The following BMPER variants were observed in gnomAD, a reference collection of about 807,000 sequenced individuals.
The protein encoded by BMPER is BMP binding endothelial regulator.
Under a neutral mutation model 87.3 loss-of-function variants are expected in BMPER, and 45 were observed. That is an observed-to-expected ratio of 0.52 (90% CI 0.41 to 0.66). BMPER has a LOEUF of 0.66. Among genes scored for constraint, BMPER ranks in the 30% least tolerant of loss-of-function variants. BMPER has a pLI of 0.00. For missense variants in BMPER, 784 were observed against 867.5 expected (o/e 0.90, Z 1.21); for synonymous variants, 326 against 316.2 (o/e 1.03, Z -0.33).
chr7:34,131,948 AT>A (rs1790600978), intron 13 of BMPER, among the ~76,000 whole-genome samples: 1 of 152,122 alleles, frequency 6.6e-6, no homozygotes. Context: ...GCATGGATGA[AT>A]TTTGCTCTTT....
chr7:33,996,904 C>G (rs1786427714), intron 6 of BMPER, among the ~76,000 whole-genome samples: 1 of 152,116 alleles, frequency 6.6e-6, no homozygotes, highest in South Asian at 2.1e-4. Context: ...GTGTATTTCT[C>G]ACTTACAGCA....
intron 6 of BMPER, among the ~76,000 whole-genome samples, chr7:33,996,324 G>A (rs1325361960): frequency 6.6e-6 from 1 of 152,060 alleles, no homozygotes; most frequent in Non-Finnish European, 1.5e-5. Context: ...TCCTTTTCCT[G>A]CATAGCTGAG....
At chr7:34,031,375 G>A (rs1357354415) in intron 6 of BMPER, among the ~76,000 whole-genome samples, 1 of 152,066 alleles carries the variant, frequency 6.6e-6, no homozygotes, top group Non-Finnish European at 1.5e-5. Context: ...AGACTTGCAA[G>A]ATTATTTTAT....
intron 13 of BMPER, among the ~76,000 whole-genome samples, chr7:34,109,322 T>C (rs1024828631): frequency 5.3e-5 from 8 of 152,214 alleles, no homozygotes; most frequent in Admixed American, 2.6e-4. Flanking sequence ...TTTTTGTCTT[T>C]AATTGACTGT....
At chr7:33,909,213 A>G (rs1312182288) in intron 2 of BMPER, among the ~76,000 whole-genome samples, 1 of 152,202 alleles carries the variant, frequency 6.6e-6, no homozygotes, top group Non-Finnish European at 1.5e-5. Context: ...ACTGAGGCAT[A>G]GGGGGCTAAG....
intron 12 of BMPER, among the ~76,000 whole-genome samples, chr7:34,082,246 C>A (rs1248234844): frequency 2.0e-5 from 3 of 151,898 alleles, no homozygotes; most frequent in African/African-American, 7.3e-5. Flanking sequence ...GCCTCTCAAA[C>A]CCTTCCATGA....
At chr7:33,951,323 C>G (rs1174211563) in intron 3 of BMPER, among the ~76,000 whole-genome samples, 1 of 152,134 alleles carries the variant, frequency 6.6e-6, no homozygotes, top group East Asian at 1.9e-4. Context: ...GCTGGGATAA[C>G]AGGTGTGAGC....
At chr7:33,950,583 T>C (rs1394830223) in intron 3 of BMPER, among the ~76,000 whole-genome samples, 3 of 152,150 alleles carry the variant, frequency 2.0e-5, no homozygotes, top group African/African-American at 4.8e-5. Context: ...GCAGAGTGGC[T>C]TCCTTCTTTA....
chr7:33,907,035 T>TG (rs1783837489), intron 2 of BMPER, 132 bp downstream of exon 2: 1 of 876,180 alleles, frequency 1.1e-6, no homozygotes, highest in Admixed American at 2.0e-5. Flanking sequence ...TGTACATAGT[T>TG]TGTGAGTTGA....
chr7:34,091,139 G>A (rs1261242211), intron 13 of BMPER, among the ~76,000 whole-genome samples: 2 of 152,130 alleles, frequency 1.3e-5, no homozygotes, highest in African/African-American at 4.8e-5. Context: ...GCATCCAGGG[G>A]AAGATCACAA....
chr7:33,994,273 C>A (rs1786328994), intron 6 of BMPER, among the ~76,000 whole-genome samples: 2 of 152,220 alleles, frequency 1.3e-5, no homozygotes, highest in Admixed American at 1.3e-4. Context: ...ATCAGCGAGA[C>A]TCCGTGGGCG....
chr7:34,040,801 G>A (rs879015439), intron 6 of BMPER, among the ~76,000 whole-genome samples: 1 of 152,120 alleles, frequency 6.6e-6, no homozygotes, highest in East Asian at 1.9e-4. Flanking sequence ...CATATTAGGG[G>A]CATCTTGTTT....
intron 11 of BMPER, among the ~76,000 whole-genome samples, chr7:34,075,226 A>G (rs1020856528): frequency 6.6e-6 from 1 of 152,228 alleles, no homozygotes; most frequent in Non-Finnish European, 1.5e-5. Flanking sequence ...TTATTAAGGT[A>G]TGGAACATCA....
chr7:33,999,403 T>A (rs1237856912), intron 6 of BMPER, among the ~76,000 whole-genome samples: 1 of 152,224 alleles, frequency 6.6e-6, no homozygotes, highest in Non-Finnish European at 1.5e-5. Context: ...AATAATCAGA[T>A]ATAGGAAGAC....
intron 6 of BMPER, among the ~76,000 whole-genome samples, chr7:34,004,508 A>G (rs1298590849): frequency 6.6e-6 from 1 of 152,094 alleles, no homozygotes; most frequent in Non-Finnish European, 1.5e-5. Context: ...TGCATTTATG[A>G]TAACATAATA....
At chr7:34,014,416 T>C (rs930806793) in intron 6 of BMPER, among the ~76,000 whole-genome samples, 2 of 151,932 alleles carry the variant, frequency 1.3e-5, no homozygotes, top group Admixed American at 1.3e-4. Flanking sequence ...AGGAGAGATA[T>C]CCTTCAAACA....
At chr7:33,919,923 A>ATCTATCTATC (rs1554297028) in intron 2 of BMPER, among the ~76,000 whole-genome samples, 1 of 150,712 alleles carries the variant, frequency 6.6e-6, no homozygotes, top group Middle Eastern at 3.2e-3. Flanking sequence ...ATCTGTGTAC[A>ATCTATCTATC]TATCTATCTA....
At chr7:34,011,583 C>CAAAAAAAAAAAAAAAAAAAAAA (rs36022297) in intron 6 of BMPER, among the ~76,000 whole-genome samples, 51 of 45,718 alleles carry the variant, frequency 1.1e-3, no homozygotes, top group African/African-American at 1.5e-3. Flanking sequence ...TTGGTCAGGG[C>CAAAAAAAAAAAAAAAAAAAAAA]AAAAAAAAAA....
At chr7:33,937,999 T>C (rs552644008) in intron 3 of BMPER, among the ~76,000 whole-genome samples, 6 of 152,256 alleles carry the variant, frequency 3.9e-5, no homozygotes, top group Admixed American at 3.9e-4. Flanking sequence ...GGGTCTTTTT[T>C]CCCAACCTGT....
Sources: allele counts gnomAD v4.1 joint callset (sites outside exome capture counted in the v4.1 genomes callset), GRCh38; gene constraint gnomAD v4.1.1; transcripts MANE v1.5; gene names NCBI Gene and HGNC (gene_info 2026-07-23, HGNC 2026-07-21).